Variants in ASXL2 observed in about 807,000 individuals in gnomAD.
ASXL2 encodes the protein ASXL transcriptional regulator 2, also known as putative Polycomb group protein ASXL2.
ASXL2 carries 23 observed loss-of-function variants against 122.0 expected under a neutral mutation model. That is an observed-to-expected ratio of 0.19 (90% CI 0.14 to 0.27). The LOEUF is 0.27. Among genes scored for constraint, ASXL2 ranks in the 10% least tolerant of loss-of-function variants. The pLI, the probability that ASXL2 is intolerant of heterozygous loss-of-function variation, is 1.00. For missense variants in ASXL2, 1,518 were observed against 1,713.8 expected, an observed-to-expected ratio of 0.89 and a Z score of 2.02; for synonymous variants, 650 against 637.0, an observed-to-expected ratio of 1.02 and a Z score of -0.31.
intron 5 of ASXL2, among the ~76,000 whole-genome samples, chr2:25,773,432 A>G (rs543571246): frequency 9.5e-4 from 144 of 151,998 alleles, no homozygotes; most frequent in Non-Finnish European, 1.5e-3. Context: ...TTGGGAGGCC[A>G]AGGCGGGCGG....
chr2:25,790,158 G>A lies in ASXL2; in HGVS notation c.403+9227C>T, dbSNP rs903842026. ...CACAGACTGGTCTGTGACAAGATAA[G>A]CATGAAAGCAAGAACATTTAGGTAC... is the stretch of plus-strand genomic sequence containing the variant. On this transcript the variant is annotated intron_variant, in intron 5 of 12. Transcript: ENST00000435504. Among the ~76,000 whole-genome samples the A allele has an allele frequency of 1.1e-4, 17 of 152,032 alleles. 1 individual carries two copies. Among genetic ancestry groups the A allele is most frequent in the Non-Finnish European group, 2.9e-5 (2 of 67,994 alleles).
Position 25,755,192 on chromosome 2 carries a change from G to C in ASXL2, c.1036+826C>G, listed in dbSNP as rs923647091. Among the ~76,000 whole-genome samples the C allele has an allele frequency of 3.2e-4, 49 of 152,130 alleles. 1 individual carries two copies. Among genetic ancestry groups the C allele is most frequent in the Non-Finnish European group, 1.3e-4 (9 of 68,022 alleles). ...TAATTCAGCCAGTGGTTTTACTTATGTCTGCATATTAGAATCGTTTGGGAA... is the reference window on the plus strand; with the variant it reads ...TAATTCAGCCAGTGGTTTTACTTATCTCTGCATATTAGAATCGTTTGGGAA... On this transcript the variant is annotated intron_variant, in intron 10 of 12. Coordinates refer to ENST00000435504, the MANE Select transcript of ASXL2 (RefSeq NM_018263.6).
chr2:25,831,630 G>T (rs1211126240), intron 3 of ASXL2, among the ~76,000 whole-genome samples: 1 of 151,842 alleles, frequency 6.6e-6, no homozygotes, highest in African/African-American at 2.4e-5. Flanking sequence ...CTCCAGCCTG[G>T]GCAACAAAAT....
Position 25,742,375 on chromosome 2 carries a change from G to A in ASXL2, c.3962C>T (p.Thr1321Ile). The change falls in exon 13 of 13, where the codon ACC becomes ATC. Residue 1321 changes from threonine (T) to isoleucine (I), a missense_variant. Around this residue, in one of 8 missense-constraint regions of ASXL2, gnomAD observed 831 missense variants for 833.1 expected, o/e 1.00. Coordinates refer to ENST00000435504, the MANE Select transcript of ASXL2 (RefSeq NM_018263.6). ...GCCTCTATAGCTTGGCCCTATCTGG[G>A]TGGGGCTTCCATACAACTTCGGGGT... ...LQTPKLYGSP[T>I]QIGPSYRGMI... 1 of 1,612,380 alleles carries A rather than the reference G, an allele frequency of 6.2e-7. No homozygotes were observed. The highest frequency in any genetic ancestry group is 8.5e-7 in the Non-Finnish European group (1 of 1,179,320).
chr2:25,773,961 C>T (rs186763962), intron 5 of ASXL2, among the ~76,000 whole-genome samples: 11 of 151,852 alleles, frequency 7.2e-5, no homozygotes, highest in Non-Finnish European at 1.0e-4. Flanking sequence ...ACCTGGGAGG[C>T]GGAGGTTGCA....
chr2:25,855,888 T>C (rs1201073140), intron 1 of ASXL2, among the ~76,000 whole-genome samples: 2 of 149,906 alleles, frequency 1.3e-5, no homozygotes, highest in Non-Finnish European at 3.0e-5. Flanking sequence ...AATGCATTTA[T>C]TTATTTATTT....
At chr2:25,750,916 A>C (rs1264494359) in intron 11 of ASXL2, among the ~76,000 whole-genome samples, 1 of 152,214 alleles carries the variant, frequency 6.6e-6, no homozygotes. Flanking sequence ...CCCAGGCCCA[A>C]AAAATCTAAG....
At chr2:25,828,507 T>A (rs1574436930) in intron 3 of ASXL2, among the ~76,000 whole-genome samples, 1 of 14,718 alleles carries the variant, frequency 6.8e-5, no homozygotes, top group Non-Finnish European at 1.3e-4. Flanking sequence ...AAACTCCATT[T>A]CAAAAAAAAA....
intron 1 of ASXL2, among the ~76,000 whole-genome samples, chr2:25,872,021 T>C (rs2089965556): frequency 6.6e-6 from 1 of 152,124 alleles, no homozygotes; most frequent in African/African-American, 2.4e-5. Context: ...AAACAATGAG[T>C]GAAAATTTTG....
Position 25,749,830 on chromosome 2 carries a change from C to A in ASXL2, c.1726G>T (p.Glu576Ter). Reference protein sequence around the residue: ...LKRKSSLTQEEAPVSWEKRPR... With the variant: ...LKRKSSLTQE ...CTCTTCTCCCAGCTCACAGGGGCCT[C>A]TTCTTGGGTGAGGGAAGACTTCCTC... The change falls in exon 12 of 13, where the codon GAG becomes TAG. Residue 576 changes from glutamate to a stop codon, truncating the protein, a stop_gained. Coordinates refer to ENST00000435504, the MANE Select transcript of ASXL2 (RefSeq NM_018263.6). LOFTEE classifies it high-confidence loss of function. The A allele has an allele frequency of 6.2e-7, 1 of 1,610,442 alleles. No individual in the cohort carries two copies. The highest frequency in any genetic ancestry group is 2.2e-5 in the East Asian group (1 of 44,850).
rs1461100585 is a variant in ASXL2, at chr2:25,736,513, G to C, written c.*5516C>G. On this transcript the variant is annotated 3_prime_UTR_variant, in exon 13 of 13. Coordinates refer to ENST00000435504, the MANE Select transcript of ASXL2 (RefSeq NM_018263.6). ...ACTTAAGAAGCTTCCTTTAGAAACAGCACATTTTCAGCTAAGATCTAGACT... is the reference window on the plus strand; with the variant it reads ...ACTTAAGAAGCTTCCTTTAGAAACACCACATTTTCAGCTAAGATCTAGACT... The C allele has an allele frequency of 6.6e-6, 1 of 152,090 alleles. No individual in the cohort carries two copies. The highest frequency in any genetic ancestry group is 1.5e-5 in the Non-Finnish European group (1 of 67,990). 9.4% of individuals were successfully genotyped at this position (152,090 alleles called of 1,614,324 possible). A position where few individuals can be genotyped will look rare whatever the true frequency, so the allele number is the denominator to read the frequency against.
chr2:25,772,580 A>G (rs940288269), intron 5 of ASXL2, among the ~76,000 whole-genome samples: 2 of 151,844 alleles, frequency 1.3e-5, no homozygotes, highest in African/African-American at 2.4e-5. Flanking sequence ...AAAAATACAA[A>G]ATTAGCCAGG....
intron 1 of ASXL2, among the ~76,000 whole-genome samples, chr2:25,865,674 C>T (rs2089894952): frequency 7.3e-6 from 1 of 136,626 alleles, no homozygotes; most frequent in South Asian, 2.5e-4. Context: ...ACTTAGGAGG[C>T]TGAGGCAGGA....
chr2:25,742,970 GC>G lies in ASXL2; in HGVS notation c.3366del (p.His1123ThrfsTer4). ...GRRTSKPAMA[G>X]HYLLNISTYG... is the part of the protein sequence containing the mutation. ...TAGGTAGAAATATTCAGTAAGTAGTGCCCTGCCATTGCAGGTTTGGATGTCC... is the reference window on the plus strand; with the variant it reads ...TAGGTAGAAATATTCAGTAAGTAGTGCCTGCCATTGCAGGTTTGGATGTCC... On this transcript the variant is annotated frameshift_variant, in exon 13 of 13. Transcript: ENST00000435504. LOFTEE classifies it high-confidence loss of function. 1 of 1,614,010 alleles carries G rather than the reference GC, an allele frequency of 6.2e-7. No individual in the cohort carries two copies. Among genetic ancestry groups the G allele is most frequent in the Non-Finnish European group, 8.5e-7 (1 of 1,179,892 alleles).
intron 3 of ASXL2, among the ~76,000 whole-genome samples, chr2:25,825,783 C>T (rs2089368169): frequency 6.6e-6 from 1 of 152,280 alleles, no homozygotes; most frequent in South Asian, 2.1e-4. Context: ...TCTCTGCTTT[C>T]GATTCTTTTG....
chr2:25,848,249 TA>T (rs2149194462), intron 1 of ASXL2, among the ~76,000 whole-genome samples: 1 of 152,368 alleles, frequency 6.6e-6, no homozygotes, highest in African/African-American at 2.4e-5. Context: ...TAATACTTTC[TA>T]ATATATTCTG....
intron 5 of ASXL2, among the ~76,000 whole-genome samples, chr2:25,789,765 A>G (rs2088804245): frequency 6.6e-6 from 1 of 152,198 alleles, no homozygotes; most frequent in Non-Finnish European, 1.5e-5. Flanking sequence ...GAAAAAATCC[A>G]AACTCCAAAA....
intron 11 of ASXL2, among the ~76,000 whole-genome samples, chr2:25,751,303 AT>A (rs1574396171): frequency 1.3e-5 from 2 of 152,346 alleles, no homozygotes; most frequent in East Asian, 3.9e-4. Context: ...ATAGTTGAAA[AT>A]AGAAAGACCC....
intron 5 of ASXL2, among the ~76,000 whole-genome samples, chr2:25,791,848 T>G (rs1337854471): frequency 6.6e-6 from 1 of 152,244 alleles, no homozygotes; most frequent in Non-Finnish European, 1.5e-5. Context: ...AGTCATGTGC[T>G]AATTATCTAC....
Sources: gnomAD v4.1 joint callset for allele counts (sites outside exome capture counted in the v4.1 genomes callset) on GRCh38, gnomAD v4.1.1 for gene constraint, gnomAD v4.1.1 regional missense constraint, MANE v1.5 for transcripts, NCBI Gene and HGNC (gene_info 2026-07-23, HGNC 2026-07-21) for gene names.